Variants in SUCLG2 observed in about 807,000 individuals in gnomAD.
SUCLG2 encodes the protein succinate--CoA ligase [GDP-forming] subunit beta, mitochondrial.
SUCLG2 carries 42 observed loss-of-function variants against 47.9 expected under a neutral mutation model. The ratio of observed to expected loss-of-function variants is 0.88; its 90% CI spans 0.69 to 1.14. The LOEUF (loss-of-function observed/expected upper bound fraction) is 1.14. SUCLG2 is among the 50% of genes most tolerant of loss of function. The pLI, the probability that SUCLG2 is intolerant of heterozygous loss-of-function variation, is 0.00. For synonymous variants in SUCLG2, 195 were observed against 197.3 expected, an observed-to-expected ratio of 0.99 and a Z score of 0.10; for missense variants, 571 against 525.9, an observed-to-expected ratio of 1.09 and a Z score of -0.84.
intron 2 of SUCLG2, among the ~76,000 whole-genome samples, chr3:67,573,897 G>A: frequency 6.6e-6 from 1 of 152,126 alleles, no homozygotes; most frequent in Admixed American, 6.5e-5. Flanking sequence ...CTAAGGAAAA[G>A]TCCTGCAACA....
At chr3:67,634,944 C>T (rs1035294409) in intron 1 of SUCLG2, among the ~76,000 whole-genome samples, 3 of 152,202 alleles carry the variant, frequency 2.0e-5, no homozygotes, top group African/African-American at 7.2e-5. Flanking sequence ...TTCAACCACT[C>T]TGTGCCTTTA....
At chr3:67,443,780 GC>G (rs1559528532) in intron 9 of SUCLG2, among the ~76,000 whole-genome samples, 3 of 87,126 alleles carry the variant, frequency 3.4e-5, no homozygotes, top group African/African-American at 1.1e-4. Context: ...CTGCCCGGCC[GC>G]CCCGTCTGAG....
chr3:67,503,966 T>TACATTTCAGAGGGGAAACTTACACA (rs1705570870), intron 7 of SUCLG2, among the ~76,000 whole-genome samples: 1 of 152,106 alleles, frequency 6.6e-6, no homozygotes, highest in South Asian at 2.1e-4. Context: ...AAAAGAAGAA[T>TACATTTCAGAGGGGAAACTTACACA]ACATTTCAGA....
intron 7 of SUCLG2, 103 bp downstream of exon 7, chr3:67,508,704 G>A: frequency 1.1e-6 from 1 of 876,042 alleles, no homozygotes; most frequent in African/African-American, 1.7e-5. Context: ...ATTACTGAAA[G>A]AAATTTATGC....
In SUCLG2 at chr3:67,644,754, T is replaced by C. The variant is rs1315613372; in HGVS notation, c.84+9749A>G. On this transcript the variant is annotated intron_variant, in intron 1 of 10. Transcript: ENST00000307227. ...TATTTTTTAGTATCTTTAGAAGCTT[T>C]GGAAATCAAAAACAAGGTTTCAGAG... Among the ~76,000 whole-genome samples, 10 of 152,108 alleles carry C rather than the reference T, an allele frequency of 6.6e-5. No individual in the cohort carries two copies. In the East Asian group the frequency reaches 1.7e-3, roughly 26 times the overall value.
At chr3:67,588,750 A>C (rs1256213081) in intron 2 of SUCLG2, among the ~76,000 whole-genome samples, 2 of 152,326 alleles carry the variant, frequency 1.3e-5, no homozygotes, top group African/African-American at 2.4e-5. Flanking sequence ...CCAATGTTTA[A>C]GTCTTCAAAA....
At chr3:67,560,667 A>G (rs1157042577) in intron 2 of SUCLG2, among the ~76,000 whole-genome samples, 1 of 152,142 alleles carries the variant, frequency 6.6e-6, no homozygotes, top group African/African-American at 2.4e-5. Flanking sequence ...TCTCTTCACT[A>G]TGCCCCCAAC....
intron 2 of SUCLG2, among the ~76,000 whole-genome samples, chr3:67,538,858 TTGTC>T (rs776747304): frequency 4.6e-5 from 7 of 151,904 alleles, no homozygotes; most frequent in South Asian, 2.1e-4. Flanking sequence ...GGCTCTTTGT[TTGTC>T]TATTAATGGT....
At chr3:67,362,716 T>C (rs1361352337) in intron 10 of SUCLG2, among the ~76,000 whole-genome samples, 5 of 152,184 alleles carry the variant, frequency 3.3e-5, no homozygotes, top group Admixed American at 1.3e-4. Context: ...CTCCACCTTT[T>C]GTGTGTGATG....
At chr3:67,556,875 T>G (rs376938583) in intron 2 of SUCLG2, among the ~76,000 whole-genome samples, 12 of 152,278 alleles carry the variant, frequency 7.9e-5, no homozygotes, top group African/African-American at 2.2e-4. Context: ...AGGCAGAAAT[T>G]GAGCAGGAAT....
intron 9 of SUCLG2, among the ~76,000 whole-genome samples, chr3:67,418,748 G>T (rs1395246705): frequency 1.3e-5 from 2 of 152,124 alleles, no homozygotes; most frequent in Non-Finnish European, 2.9e-5. Flanking sequence ...TGTTCCTGGA[G>T]CCCATACCAT....
Position 67,589,948 on chromosome 3 carries a change from T to A in SUCLG2, c.226+19507A>T, listed in dbSNP as rs558796344. Among the ~76,000 whole-genome samples, 28 of 143,156 alleles carry A rather than the reference T, an allele frequency of 2.0e-4. 1 individual carries two copies. The East Asian group carries it at 4.0e-3, about 21-fold the overall frequency. 93.9% of individuals were successfully genotyped at this position (143,156 alleles called of 152,430 possible). A position where few individuals can be genotyped will look rare whatever the true frequency, so the allele number is the denominator to read the frequency against. ...GTCAGGGCAAGACATTTTATTCAAT[T>A]TGGGATATACTTTAGTCTACTTGAT... On this transcript the variant is annotated intron_variant, in intron 2 of 10. Transcript: ENST00000307227.
At chr3:67,419,611 A>T (rs1342048195) in intron 9 of SUCLG2, among the ~76,000 whole-genome samples, 1 of 152,130 alleles carries the variant, frequency 6.6e-6, no homozygotes, top group Admixed American at 6.5e-5. Flanking sequence ...TTCTGTCTGA[A>T]ATGTTAATGA....
At chr3:67,509,042 T>C (rs1575743281) in intron 6 of SUCLG2, 139 bp from the exon 7 acceptor site, 2 of 611,488 alleles carry the variant, frequency 3.3e-6, no homozygotes, top group South Asian at 2.5e-5. Context: ...CAGAAAAGCA[T>C]AATTATTTTA....
In SUCLG2 at chr3:67,444,820, G is replaced by T. The variant is rs1480489929; in HGVS notation, c.1063-43969C>A. ...CCGCCCCGTCCGGGAGGGAGGTGGG[G>T]GTGTCAGTCCCCCGCCCGGCCAGCC... On this transcript the variant is annotated intron_variant, in intron 9 of 10. Coordinates refer to ENST00000307227, the MANE Select transcript of SUCLG2 (RefSeq NM_003848.4). Among the ~76,000 whole-genome samples the T allele has an allele frequency of 1.7e-4, 2 of 11,694 alleles. 1 individual carries two copies. The highest frequency in any genetic ancestry group is 3.3e-4 in the Non-Finnish European group (2 of 6,036). 7.7% of individuals were successfully genotyped at this position (11,694 alleles called of 152,430 possible). A position where few individuals can be genotyped will look rare whatever the true frequency, so the allele number is the denominator to read the frequency against.
chr3:67,646,343 C>T (rs1701191238), intron 1 of SUCLG2, among the ~76,000 whole-genome samples: 1 of 152,162 alleles, frequency 6.6e-6, no homozygotes, highest in South Asian at 2.1e-4. Flanking sequence ...ACGCCTTAAT[C>T]CCAGCACTTT....
At chr3:67,584,851 G>A (rs1013490537) in intron 2 of SUCLG2, among the ~76,000 whole-genome samples, 1 of 152,098 alleles carries the variant, frequency 6.6e-6, no homozygotes. Context: ...CAGATCTCAT[G>A]CGAACTCACT....
At position 67,389,588 on chromosome 3, in the gene SUCLG2, T is replaced by A. The variant is rs572670620; in HGVS notation, c.1183+11143A>T. On this transcript the variant is annotated intron_variant, in intron 10 of 10. Coordinates refer to ENST00000307227, the MANE Select transcript of SUCLG2 (RefSeq NM_003848.4). ...TGCGAAATGTCTTTTATCTTCCATC[T>A]AAATTTTTCATTTGCTTTCCTCTAT... Among the ~76,000 whole-genome samples, 23 of 152,336 alleles carry A rather than the reference T, an allele frequency of 1.5e-4. No homozygotes were observed. The South Asian group carries it at 4.8e-3, about 32-fold the overall frequency.
chr3:67,559,574 G>A (rs1707253386), intron 2 of SUCLG2, among the ~76,000 whole-genome samples: 1 of 152,142 alleles, frequency 6.6e-6, no homozygotes, highest in Non-Finnish European at 1.5e-5. Context: ...CCTCCATACA[G>A]GGAGGGGACT....
Sources: gnomAD v4.1 joint callset for allele counts (sites outside exome capture counted in the v4.1 genomes callset) on GRCh38, gnomAD v4.1.1 for gene constraint, MANE v1.5 for transcripts, NCBI Gene and HGNC (gene_info 2026-07-23, HGNC 2026-07-21) for gene names.